Variants in ADGRF3 observed in about 807,000 individuals in gnomAD.
ADGRF3 encodes G protein-coupled receptor 113.
ADGRF3 carries 85 observed loss-of-function variants against 93.2 expected under a neutral mutation model. That is an observed-to-expected ratio of 0.91 (90% confidence interval 0.77 to 1.09). The LOEUF (loss-of-function observed/expected upper bound fraction) is 1.09. Among genes scored for constraint, ADGRF3 ranks in the 50% least tolerant of loss-of-function variants. The pLI is 0.00. For missense variants in ADGRF3, 1,125 were observed against 1,246.2 expected (o/e 0.90, Z 1.46); for synonymous variants, 534 against 532.5 (o/e 1.00, Z -0.04).
chr2:26,340,096 T>C (rs538623221), intron 1 of ADGRF3, among the ~76,000 whole-genome samples: 2 of 152,342 alleles, frequency 1.3e-5, no homozygotes, highest in African/African-American at 4.8e-5. Flanking sequence ...TCCCGACCTG[T>C]GTTCAATTGC....
chr2:26,317,927 A>G, intron 1 of ADGRF3: 1 of 1,080,168 alleles, frequency 9.3e-7, no homozygotes, highest in Non-Finnish European at 1.4e-6. Flanking sequence ...TGGGGAGTTT[A>G]TTCCTTCTGT....
chr2:26,318,950 C>A (rs776793039), intron 1 of ADGRF3: 28 of 1,551,640 alleles, frequency 1.8e-5, no homozygotes, highest in Non-Finnish European at 2.4e-5. Flanking sequence ...CTGGGTCTCA[C>A]CCCAGTCTCA....
rs1325670180 is a variant in ADGRF3 at position 26,311,364 on chromosome 2, G to A, written c.2160C>T (p.Cys720=). 1.5e-5 allele frequency: 25 copies of A among 1,614,006 alleles called. No individual in the cohort carries two copies. The highest frequency in any genetic ancestry group is 2.0e-5 in the Non-Finnish European group (24 of 1,179,894). Residue 720 remains cysteine, a synonymous_variant, in exon 10 of 14, where the codon TGC becomes TGT. Coordinates refer to ENST00000651242, the MANE Select transcript of ADGRF3 (RefSeq NM_001321971.2). ...TCCACACCAGCCAGTACACACCCAG[G>A]CACACAAGCAGCGCCAGTATGGAAG... is the stretch of plus-strand genomic sequence containing the variant. ...LGASILALLV[C]LGVYWLVWRV...
chr2:26,338,126 C>CT (rs1273419532), intron 1 of ADGRF3, among the ~76,000 whole-genome samples: 1 of 152,130 alleles, frequency 6.6e-6, no homozygotes, highest in African/African-American at 2.4e-5. Flanking sequence ...TGTTTCCTGT[C>CT]TTTAAGTCAA....
chr2:26,334,138 A>G (rs1255791905), intron 1 of ADGRF3, among the ~76,000 whole-genome samples: 2 of 152,044 alleles, frequency 1.3e-5, no homozygotes, highest in African/African-American at 4.8e-5. Flanking sequence ...GTACCTGTAC[A>G]AGGATAGGAT....
rs78642921 is a variant in ADGRF3, at chr2:26,308,825, C to T, written c.*261G>A. The T allele has an allele frequency of 1.3e-5, 6 of 468,890 alleles. No homozygotes were observed. Among genetic ancestry groups the T allele is most frequent in the African/African-American group, 3.9e-5 (2 of 51,268 alleles). 29.0% of individuals were successfully genotyped at this position (468,890 alleles called of 1,614,324 possible). ...AATTATTCCGCACTTTGATATCTGT[C>T]GATTATTTCTGGAGCAAAGGCAGGC... On this transcript the variant is annotated 3_prime_UTR_variant, in exon 14 of 14. Coordinates refer to ENST00000651242, the MANE Select transcript of ADGRF3 (RefSeq NM_001321971.2).
chr2:26,313,657 A>G lies in ADGRF3; in HGVS notation c.1073-84T>C, dbSNP rs972036028. ...GGGCAGAACCCTATGCGGGCCCCGA[A>G]GCCTGGTCCTGTTGCCCAGGGCAGA... On this transcript the variant is annotated intron_variant, in intron 7 of 13. Coordinates refer to ENST00000651242, the MANE Select transcript of ADGRF3 (RefSeq NM_001321971.2). The G allele has an allele frequency of 5.1e-6, 8 of 1,565,522 alleles. No individual in the cohort carries two copies. The Admixed American group carries it at 5.6e-5, about 11-fold the overall frequency.
chr2:26,343,475 T>C (rs1676509353), intron 1 of ADGRF3, among the ~76,000 whole-genome samples: 1 of 152,028 alleles, frequency 6.6e-6, no homozygotes. Context: ...AGCCTCGCTG[T>C]GTCACCCAGA....
At chr2:26,323,821 A>G (rs6731753) in intron 1 of ADGRF3, among the ~76,000 whole-genome samples, 151,834 of 152,110 alleles carry the variant, frequency 1, 75,779 homozygotes, top group Non-Finnish European at 1. Context: ...TAGAGACGGG[A>G]TTTCACCGTG....
chr2:26,333,639 C>CA (rs1008703676), intron 1 of ADGRF3, among the ~76,000 whole-genome samples: 2 of 151,956 alleles, frequency 1.3e-5, no homozygotes, highest in Non-Finnish European at 2.9e-5. Flanking sequence ...ACCCCAGTGT[C>CA]AGAGCAGCAG....
rs777254948 is a variant in ADGRF3 at position 26,309,599 on chromosome 2, G to A, written c.2938-18C>T. 14 of 1,611,000 alleles carry A rather than the reference G, an allele frequency of 8.7e-6. No individual in the cohort carries two copies. The highest frequency in any genetic ancestry group is 1.2e-5 in the Non-Finnish European group (14 of 1,179,024). Reference sequence around the variant, plus strand: ...TTTGTGGCCTAGGAAGGGGTGGGAAGGCCCAATTGCAGGGCAGTTATTAGT... The same window carrying A: ...TTTGTGGCCTAGGAAGGGGTGGGAAAGCCCAATTGCAGGGCAGTTATTAGT... On this transcript the variant is annotated intron_variant, in intron 12 of 13. Transcript: ENST00000651242.
In ADGRF3 at chr2:26,315,517, G is replaced by A; in HGVS notation, c.718+5C>T. 2 of 1,548,874 alleles carry A rather than the reference G, an allele frequency of 1.3e-6. No homozygotes were observed. Among genetic ancestry groups the A allele is most frequent in the Non-Finnish European group, 1.7e-6 (2 of 1,144,918 alleles). ...AAGGAGGCAAGGAGAGGACAGGCTG[G>A]CTACCTGCCCAGTGATGGGACATGT... On this transcript the variant is annotated splice_donor_5th_base_variant and intron_variant, in intron 5 of 13. Transcript: ENST00000651242.
Position 26,346,375 on chromosome 2 carries a change from C to G in ADGRF3, c.-141G>C. ...GCCCGCGCGGCGCGGTCCGTGTCACCTTGTGCCGCGTGGCTCCGGGCGGGC... is the reference window on the plus strand; with the variant it reads ...GCCCGCGCGGCGCGGTCCGTGTCACGTTGTGCCGCGTGGCTCCGGGCGGGC... On this transcript the variant is annotated 5_prime_UTR_variant, in exon 1 of 14. Transcript: ENST00000651242. The G allele has an allele frequency of 1.4e-6, 2 of 1,424,434 alleles. No homozygotes were observed. Among genetic ancestry groups the G allele is most frequent in the Non-Finnish European group, 9.2e-7 (1 of 1,085,438 alleles). The allele number at this position is 1,424,434 out of a possible 1,614,324, so 88.2% of individuals were successfully genotyped here.
intron 1 of ADGRF3, among the ~76,000 whole-genome samples, chr2:26,327,163 A>C (rs1675479118): frequency 6.6e-6 from 1 of 152,160 alleles, no homozygotes; most frequent in Non-Finnish European, 1.5e-5. Flanking sequence ...CTTCTGGGGT[A>C]ATTTTGGAAC....
chr2:26,310,692 C>G lies in ADGRF3; in HGVS notation c.2832G>C (p.Gln944His). The change falls in exon 10 of 14, where the codon CAG (glutamine) becomes CAC (histidine). Residue 944 changes from glutamine (Q) to histidine (H), a missense_variant and splice_region_variant. Transcript: ENST00000651242. ...HYIFTILNTL[Q>H]GVFILLFGCL... Reference sequence around the variant, plus strand: ...ACACAGCCACCCCCCTATCACCTACCTGGAGGGTGTTGAGAATGGTGAAGA... The same window carrying G: ...ACACAGCCACCCCCCTATCACCTACGTGGAGGGTGTTGAGAATGGTGAAGA... The G allele has an allele frequency of 6.2e-7, 1 of 1,609,336 alleles. No individual in the cohort carries two copies. Among genetic ancestry groups the G allele is most frequent in the Admixed American group, 1.7e-5 (1 of 59,208 alleles).
At chr2:26,318,718 G>T (rs1258379685) in intron 1 of ADGRF3, among the ~76,000 whole-genome samples, 2 of 152,250 alleles carry the variant, frequency 1.3e-5, no homozygotes, top group East Asian at 3.9e-4. Flanking sequence ...CCAAAGTACA[G>T]CAGGTATCAT....
rs779449427 is a variant in ADGRF3, at chr2:26,346,338, G to A, written c.-104C>T. The A allele has an allele frequency of 2.7e-5, 42 of 1,571,886 alleles. No individual in the cohort carries two copies. In the East Asian group the frequency reaches 9.8e-4, roughly 37 times the overall value. ...CTCTCCCTGCTCCCGGCCTCGCCCA[G>A]GCGGCTGAGGGGCCCGCGCGGCGCG... On this transcript the variant is annotated 5_prime_UTR_variant, in exon 1 of 14. Transcript: ENST00000651242.
chr2:26,345,152 G>A (rs916329533), intron 1 of ADGRF3, among the ~76,000 whole-genome samples: 1 of 152,072 alleles, frequency 6.6e-6, no homozygotes. Context: ...CTGAAAAAGG[G>A]GATAATGCCT....
intron 1 of ADGRF3, among the ~76,000 whole-genome samples, chr2:26,322,901 C>T (rs763803556): frequency 1.4e-4 from 22 of 151,984 alleles, no homozygotes; most frequent in Non-Finnish European, 2.8e-4. Context: ...TTTGGGAGGC[C>T]GAGGCAGGTG....
Sources: allele counts gnomAD v4.1 joint callset (sites outside exome capture counted in the v4.1 genomes callset), GRCh38; gene constraint gnomAD v4.1.1; transcripts MANE v1.5; gene names NCBI Gene and HGNC (gene_info 2026-07-23, HGNC 2026-07-21).